Variants in IL2RB observed in about 807,000 individuals in gnomAD.
The protein encoded by IL2RB is interleukin 2 receptor subunit beta, also known as interleukin-2 receptor subunit beta.
IL2RB carries 17 observed loss-of-function variants against 44.2 expected under a neutral mutation model. The observed-to-expected ratio is 0.38, with a 90% CI of 0.26 to 0.58. The LOEUF is 0.58. IL2RB is among the 20% of genes least tolerant of loss of function. IL2RB has a pLI of 0.63. For missense variants in IL2RB, 624 were observed against 685.5 expected (o/e 0.91, Z 1.00); for synonymous variants, 286 against 297.9 (o/e 0.96, Z 0.41).
chr22:37,128,321 T>C lies in IL2RB; in HGVS notation c.1431A>G (p.Pro477=), dbSNP rs747694750. 4.7e-6 allele frequency: 7 copies of C among 1,502,314 alleles called. No homozygotes were observed. Among genetic ancestry groups the C allele is most frequent in the Admixed American group, 4.7e-5 (2 of 42,748 alleles). The allele number at this position is 1,502,314 out of a possible 1,614,324, so 93.1% of individuals were successfully genotyped here. A position where few individuals can be genotyped will look rare whatever the true frequency, so the allele number is the denominator to read the frequency against. ...WDPQPLGPPT[P]GVPDLVDFQP... is the part of the protein sequence containing the mutation. ...GAAAATCCACCAGGTCTGGGACTCC[T>C]GGGGTGGGAGGCCCCAGGGGCTGGG... Residue 477 remains proline, a synonymous_variant, in exon 10 of 10, where the codon CCA becomes CCG. Coordinates refer to ENST00000216223, the MANE Select transcript of IL2RB (RefSeq NM_000878.5). The surrounding 1 kb of genome is among the most constrained non-coding windows in gnomAD (Gnocchi z 4.5).
intron 1 of IL2RB, among the ~76,000 whole-genome samples, chr22:37,160,588 T>C (rs551614445): frequency 6.6e-6 from 1 of 152,004 alleles, no homozygotes; most frequent in Non-Finnish European, 1.5e-5. Flanking sequence ...AAATTGGTAT[T>C]TTTAAAAACG....
upstream of IL2RB, among the ~76,000 whole-genome samples, chr22:37,154,211 CAG>C (rs1437857115): frequency 3.9e-5 from 6 of 152,194 alleles, no homozygotes; most frequent in Admixed American, 6.5e-5. Flanking sequence ...CCCCAGGAGA[CAG>C]GGGATGGAGC....
At chr22:37,158,017 C>T (rs1015497523) in intron 1 of IL2RB, among the ~76,000 whole-genome samples, 1 of 152,178 alleles carries the variant, frequency 6.6e-6, no homozygotes, top group Admixed American at 6.5e-5. Context: ...ACCCTGCTGG[C>T]GTGGGCTTCA....
chr22:37,129,388 G>A (rs1921308604), intron 9 of IL2RB, among the ~76,000 whole-genome samples: 1 of 152,152 alleles, frequency 6.6e-6, no homozygotes, highest in African/African-American at 2.4e-5. Flanking sequence ...ACACTGTGGT[G>A]GGAACGTCTC....
chr22:37,142,457 TG>T lies in IL2RB; in HGVS notation c.258del (p.Cys86Ter). The part of the protein sequence containing the change: ...LLPVSQASWA[C>X]NLILGAPDSQ... ...ACATCTGGGGCTCCGAGGATCAGGT[TG>T]CAGGCCCAGGATGCTTGACTCACGG... On this transcript the variant is annotated frameshift_variant, in exon 4 of 10. Coordinates refer to ENST00000216223, the MANE Select transcript of IL2RB (RefSeq NM_000878.5). LOFTEE classifies it high-confidence loss of function. The T allele has an allele frequency of 6.2e-7, 1 of 1,614,158 alleles. No individual in the cohort carries two copies. Among genetic ancestry groups the T allele is most frequent in the Non-Finnish European group, 8.5e-7 (1 of 1,179,984 alleles).
intron 8 of IL2RB, 27 bp from the exon 9 acceptor site, chr22:37,132,495 G>A (rs771356623): frequency 6.3e-7 from 1 of 1,588,454 alleles, no homozygotes; most frequent in Non-Finnish European, 8.6e-7. Context: ...AGGGAAGGAG[G>A]AGGGTGAGAA....
intron 5 of IL2RB, 81 bp downstream of exon 5, chr22:37,139,036 G>T (rs1921836166): frequency 1.1e-6 from 1 of 899,806 alleles, no homozygotes; most frequent in East Asian, 2.5e-5. Context: ...GAGAAAGGCT[G>T]GAGCAGGGAA....
chr22:37,129,040 G>A (rs890951903), intron 9 of IL2RB, among the ~76,000 whole-genome samples, 192 bp from the exon 10 acceptor site: 4 of 152,164 alleles, frequency 2.6e-5, no homozygotes, highest in Non-Finnish European at 4.4e-5. Flanking sequence ...GGGCCCTCTG[G>A]GCCACCAGCC....
In IL2RB at chr22:37,128,467, G is replaced by C. The variant is rs752554555; in HGVS notation, c.1285C>G (p.Leu429Val). ...CTFPSRDDLL[L>V]FSPSLLGGPS... The stretch of plus-strand genomic sequence containing the variant: ...CCACCGAGGAGACTGGGGGAGAAGA[G>C]CAGCAGGTCATCCCTGGAGGGGAAG... The change falls in exon 10 of 10, where the codon CTC (leucine) becomes GTC (valine). Residue 429 changes from leucine to valine, a missense_variant. By Grantham distance (32) the Leu-to-Val change is conservative. Around this residue, in one of 3 missense-constraint regions of IL2RB, gnomAD observed 291 missense variants for 275.5 expected, o/e 1.06. Transcript: ENST00000216223. The surrounding 1 kb of genome is among the most constrained non-coding windows in gnomAD (Gnocchi z 4.5). 1 of 1,581,838 alleles carries C rather than the reference G, an allele frequency of 6.3e-7. No individual in the cohort carries two copies. The highest frequency in any genetic ancestry group is 1.2e-5 in the South Asian group (1 of 86,894).
At chr22:37,160,583 G>T (rs1040350853) in intron 1 of IL2RB, among the ~76,000 whole-genome samples, 4 of 151,990 alleles carry the variant, frequency 2.6e-5, no homozygotes, top group African/African-American at 9.7e-5. Flanking sequence ...AGCTAAAATT[G>T]GTATTTTTAA....
At chr22:37,150,086 G>GCACACACACACACACACA (rs746303210), upstream of IL2RB, 5 of 138,374 alleles carry the variant, frequency 3.6e-5, no homozygotes, top group South Asian at 2.5e-4. Context: ...GCTGGGGGCG[G>GCACACACACACACACACA]CACACACACA....
At chr22:37,139,340 C>A in intron 4 of IL2RB, 118 bp from the exon 5 acceptor site, 1 of 660,966 alleles carries the variant, frequency 1.5e-6, no homozygotes. Flanking sequence ...CCACCCAAGG[C>A]AGGGGCAGCA....
chr22:37,142,391 G>T, intron 4 of IL2RB, 43 bp downstream of exon 4: 1 of 1,573,348 alleles, frequency 6.4e-7, no homozygotes, highest in Non-Finnish European at 8.7e-7. Flanking sequence ...GGAGCTGGGA[G>T]ACCACCCTCT....
rs73408841 is a variant in IL2RB, at chr22:37,170,478, G to A, written c.-34+4480C>T. ...GCTGCCCCCAGCCGTGGAGAGATGC[G>A]TGTCTGCCACAGGGGAAGCAGCGCC... On this transcript the variant is annotated intron_variant, in intron 1 of 5. Coordinates refer to the IL2RB transcript ENST00000429622. 8.2e-3 allele frequency among the ~76,000 whole-genome samples: 1,256 copies of A among 152,288 alleles called. 12 individuals are homozygous for A. Among genetic ancestry groups the A allele is most frequent in the African/African-American group, 0.029 (1,195 of 41,554 alleles).
At chr22:37,136,462 C>T (rs1921705383) in intron 6 of IL2RB, 69 bp from the exon 7 acceptor site, 2 of 1,461,066 alleles carry the variant, frequency 1.4e-6, no homozygotes, top group African/African-American at 1.5e-5. Context: ...CTGAGCATCA[C>T]AGAACCCCCC....
upstream of IL2RB, among the ~76,000 whole-genome samples, chr22:37,151,176 ATTTACATTC>A (rs1396745758): frequency 1.3e-5 from 2 of 152,148 alleles, no homozygotes; most frequent in East Asian, 3.8e-4. Context: ...GGTTGTACTA[ATTTACATTC>A]CCACCAACAG....
At chr22:37,173,394 C>G (rs982961667) in intron 1 of IL2RB, among the ~76,000 whole-genome samples, 2 of 152,252 alleles carry the variant, frequency 1.3e-5, no homozygotes, top group Admixed American at 6.5e-5. Flanking sequence ...CAGGGCCAAG[C>G]CTATAGAATA....
At chr22:37,168,976 CAG>C (rs779820388) in intron 1 of IL2RB, among the ~76,000 whole-genome samples, 1 of 150,938 alleles carries the variant, frequency 6.6e-6, no homozygotes, top group Non-Finnish European at 1.5e-5. Context: ...TTCTCGCTTA[CAG>C]AGGGGTCCTT....
In IL2RB at chr22:37,173,874, C is replaced by G. The variant is rs532396700; in HGVS notation, c.-34+1084G>C. On this transcript the variant is annotated intron_variant, in intron 1 of 5. Transcript: ENST00000429622. Reference sequence around the variant, plus strand: ...CTAAACACTATAACCAGGGGACGCTCAGGGATCCAGCTGCCTCTCACATCT... The same window carrying G: ...CTAAACACTATAACCAGGGGACGCTGAGGGATCCAGCTGCCTCTCACATCT... 1.1e-4 allele frequency among the ~76,000 whole-genome samples: 17 copies of G among 152,322 alleles called. No individual in the cohort carries two copies. The South Asian group carries it at 3.3e-3, about 30-fold the overall frequency.
Sources: allele counts gnomAD v4.1 joint callset (sites outside exome capture counted in the v4.1 genomes callset), GRCh38; gene constraint gnomAD v4.1.1; regional missense constraint gnomAD v4.1.1; non-coding constraint Gnocchi (gnomAD v3.1); transcripts MANE v1.5; gene names NCBI Gene and HGNC (gene_info 2026-07-23, HGNC 2026-07-21).